EYA2: variants seen among roughly 807,000 people sequenced by gnomAD.
The protein encoded by EYA2 is EYA transcriptional coactivator and phosphatase 2, also known as protein phosphatase EYA2.
EYA2 carries 31 observed loss-of-function variants against 69.2 expected under a neutral mutation model. The observed-to-expected ratio is 0.45, with a 90% CI of 0.34 to 0.60. The LOEUF (loss-of-function observed/expected upper bound fraction) is 0.60. Among genes scored for constraint, EYA2 ranks in the 20% least tolerant of loss-of-function variants. EYA2 has a pLI of 0.02. For missense variants in EYA2, 622 were observed against 701.2 expected (o/e 0.89, Z 1.28); for synonymous variants, 257 against 279.4 (o/e 0.92, Z 0.80).
At chr20:47,157,460 A>G (rs2033976946) in intron 10 of EYA2, among the ~76,000 whole-genome samples, 1 of 151,896 alleles carries the variant, frequency 6.6e-6, no homozygotes, top group African/African-American at 2.4e-5. Flanking sequence ...ATTTGTTAGA[A>G]AAACAGGAAA....
chr20:46,910,276 A>G (rs1298001163), intron 1 of EYA2, among the ~76,000 whole-genome samples: 1 of 152,152 alleles, frequency 6.6e-6, no homozygotes, highest in Non-Finnish European at 1.5e-5. Context: ...ATGGTGGAGC[A>G]AGAGGAAGAG....
At position 47,147,054 on chromosome 20, in the gene EYA2, C is replaced by CTTT. The variant is rs57767869; in HGVS notation, c.978+3925_978+3927dup. Among the ~76,000 whole-genome samples the CTTT allele has an allele frequency of 4.5e-4, 51 of 112,882 alleles. 1 individual carries two copies. Among genetic ancestry groups the CTTT allele is most frequent in the Middle Eastern group, 5.0e-3 (1 of 200 alleles). The allele number at this position is 112,882 out of a possible 152,430, so 74.1% of individuals were successfully genotyped here. A position where few individuals can be genotyped will look rare whatever the true frequency, so the allele number is the denominator to read the frequency against. ...TTATATCCAGGAGAGGCTCCTCTGA[C>CTTT]TTTTTTTTTTTTTTTTTTTTTGAGA... On this transcript the variant is annotated intron_variant, in intron 10 of 15. Coordinates refer to ENST00000327619, the MANE Select transcript of EYA2 (RefSeq NM_005244.5).
intron 9 of EYA2, among the ~76,000 whole-genome samples, chr20:47,123,422 C>T (rs957858500): frequency 2.0e-5 from 3 of 152,124 alleles, no homozygotes; most frequent in Non-Finnish European, 2.9e-5. Context: ...TCCACAAGGT[C>T]AGGCTTTCAC....
At chr20:47,126,606 G>A (rs902516343) in intron 9 of EYA2, among the ~76,000 whole-genome samples, 1 of 152,172 alleles carries the variant, frequency 6.6e-6, no homozygotes, top group African/African-American at 2.4e-5. Flanking sequence ...TCATCTCTTA[G>A]TTAGAAAGCT....
chr20:47,078,331 G>GCGCACACACACA, intron 7 of EYA2, among the ~76,000 whole-genome samples: 2 of 123,828 alleles, frequency 1.6e-5, no homozygotes, highest in East Asian at 4.5e-4. Flanking sequence ...GCGCGCGCGC[G>GCGCACACACACA]CACACACACA....
At chr20:47,052,322 T>C (rs2030381890) in intron 5 of EYA2, among the ~76,000 whole-genome samples, 1 of 152,092 alleles carries the variant, frequency 6.6e-6, no homozygotes, top group Admixed American at 6.5e-5. Flanking sequence ...ACATGTGAGC[T>C]GAGACCCAAA....
chr20:47,096,656 G>A lies in EYA2; in HGVS notation c.805-429G>A, dbSNP rs148263292. Among the ~76,000 whole-genome samples, 324 of 152,282 alleles carry A rather than the reference G, an allele frequency of 2.1e-3. 4 individuals are homozygous for A. The highest frequency in any genetic ancestry group is 7.5e-3 in the African/African-American group (312 of 41,544). ...TTGTCTCAAGTTGAAAAATCAGTAA[G>A]GGTATAAATATGTTACTTAGAATTA... On this transcript the variant is annotated intron_variant, in intron 8 of 15. Coordinates refer to ENST00000327619, the MANE Select transcript of EYA2 (RefSeq NM_005244.5).
intron 1 of EYA2, among the ~76,000 whole-genome samples, chr20:46,969,799 G>A (rs1401238822): frequency 6.6e-6 from 1 of 152,092 alleles, no homozygotes; most frequent in African/African-American, 2.4e-5. Context: ...CCTGGGCAAG[G>A]GAATGTGCTT....
chr20:46,989,307 C>T (rs762791625), intron 1 of EYA2, among the ~76,000 whole-genome samples: 22 of 152,082 alleles, frequency 1.4e-4, no homozygotes, highest in Admixed American at 6.5e-5. Flanking sequence ...CATTCTGTCG[C>T]GAGGCTGGAG....
intron 4 of EYA2, among the ~76,000 whole-genome samples, chr20:47,013,374 A>G (rs949704400): frequency 2.0e-5 from 3 of 152,220 alleles, no homozygotes; most frequent in South Asian, 2.1e-4. Flanking sequence ...AGGAAGCAAC[A>G]TATGCAAAGG....
intron 1 of EYA2, among the ~76,000 whole-genome samples, chr20:46,979,251 C>T (rs1275957909): frequency 6.6e-6 from 1 of 152,208 alleles, no homozygotes. Flanking sequence ...CCCCTGCCCC[C>T]ACCCTCCAGC....
rs370926642 is a variant in EYA2 at position 46,912,557 on chromosome 20, G to C, written c.-11+17570G>C. Among the ~76,000 whole-genome samples, 5 of 152,288 alleles carry C rather than the reference G, an allele frequency of 3.3e-5. No individual in the cohort carries two copies. In the South Asian group the frequency reaches 8.3e-4, roughly 25 times the overall value. On this transcript the variant is annotated intron_variant, in intron 1 of 15. Coordinates refer to ENST00000327619, the MANE Select transcript of EYA2 (RefSeq NM_005244.5). ...TTGCCCTCATGGAGCTTTTGTTTAG[G>C]GGGGAAAGAAGATAGACAATAAAAA...
chr20:47,141,150 A>G (rs908497727), intron 9 of EYA2, among the ~76,000 whole-genome samples: 4 of 152,218 alleles, frequency 2.6e-5, no homozygotes, highest in African/African-American at 7.2e-5. Flanking sequence ...AATAGTGTTC[A>G]CCTCACAGAG....
intron 10 of EYA2, among the ~76,000 whole-genome samples, chr20:47,157,353 CAAAAAAAAAAAAA>C (rs57425490): frequency 1.8e-4 from 11 of 60,774 alleles, no homozygotes; most frequent in Admixed American, 1.2e-3. Flanking sequence ...GACTCCGTCT[CAAAAAAAAAAAAA>C]AAAAAAAAAA....
intron 4 of EYA2, among the ~76,000 whole-genome samples, chr20:47,015,195 A>G (rs1365554039): frequency 1.3e-5 from 2 of 152,234 alleles, no homozygotes; most frequent in Non-Finnish European, 2.9e-5. Flanking sequence ...AGGGATAGGA[A>G]GAGACTCTTT....
chr20:47,140,786 G>A (rs1427848732), intron 9 of EYA2, among the ~76,000 whole-genome samples: 4 of 152,194 alleles, frequency 2.6e-5, no homozygotes, highest in African/African-American at 7.2e-5. Context: ...ATAAAGAAAA[G>A]GGGTTTATTT....
At chr20:46,965,670 G>A (rs989456396) in intron 1 of EYA2, among the ~76,000 whole-genome samples, 6 of 152,242 alleles carry the variant, frequency 3.9e-5, no homozygotes, top group Non-Finnish European at 7.3e-5. Flanking sequence ...TCAGGCCCAC[G>A]CTTGTTCAGC....
At chr20:47,173,636 T>C (rs913168702) in intron 12 of EYA2, among the ~76,000 whole-genome samples, 1 of 151,726 alleles carries the variant, frequency 6.6e-6, no homozygotes. Flanking sequence ...CCCAGGCTGG[T>C]CTCAAACTAC....
chr20:46,993,378 T>C (rs1180161201), intron 2 of EYA2, among the ~76,000 whole-genome samples: 2 of 152,212 alleles, frequency 1.3e-5, no homozygotes, highest in Non-Finnish European at 2.9e-5. Context: ...TGGCCCCTTT[T>C]CCTTTGCTTT....
Sources: gnomAD v4.1 joint callset for allele counts (sites outside exome capture counted in the v4.1 genomes callset) on GRCh38, gnomAD v4.1.1 for gene constraint, MANE v1.5 for transcripts, NCBI Gene and HGNC (gene_info 2026-07-23, HGNC 2026-07-21) for gene names.